Variants in ISCA1 observed in about 807,000 individuals in gnomAD.
ISCA1 encodes the protein iron-sulfur cluster assembly 1 homolog, mitochondrial.
In ISCA1, 9 loss-of-function variants were observed where a neutral mutation model predicts 14.7. That is an observed-to-expected ratio of 0.61 (90% CI 0.37 to 1.07). The LOEUF is 1.07. ISCA1 is among the 50% of genes least tolerant of loss of function. The pLI, the probability that ISCA1 is intolerant of heterozygous loss-of-function variation, is 0.01. For synonymous variants in ISCA1, 38 were observed against 54.3 expected, an observed-to-expected ratio of 0.70 and a Z score of 1.32; for missense variants, 102 against 150.1, an observed-to-expected ratio of 0.68 and a Z score of 1.67.
In ISCA1 at chr9:86,282,366, G is replaced by A. The variant is rs1825532337; in HGVS notation, c.81+12C>T. The A allele has an allele frequency of 1.9e-6, 3 of 1,540,210 alleles. No homozygotes were observed. The highest frequency in any genetic ancestry group is 2.6e-6 in the Non-Finnish European group (3 of 1,139,854). ...AATGTCACGGGCCCCGCCGCGCGCC[G>A]CGAGCACTCACCAGGGTGAGGGCTG... On this transcript the variant is annotated intron_variant, in intron 1 of 3. Transcript: ENST00000375991.
chr9:86,270,023 T>C (rs7019244), intron 3 of ISCA1, among the ~76,000 whole-genome samples: 66,726 of 150,626 alleles, frequency 0.44, 14,928 homozygotes, highest in Middle Eastern at 0.59. Context: ...ATTCAGGACA[T>C]AGGCATGGGA....
chr9:86,273,304 C>A (rs551510147), intron 2 of ISCA1, among the ~76,000 whole-genome samples: 8 of 152,200 alleles, frequency 5.3e-5, no homozygotes, highest in Non-Finnish European at 1.0e-4. Flanking sequence ...TAAGATGATA[C>A]ACACATCCCT....
chr9:86,274,336 G>T, intron 1 of ISCA1, 94 bp from the exon 2 acceptor site: 1 of 802,162 alleles, frequency 1.2e-6, no homozygotes, highest in Non-Finnish European at 2.1e-6. Flanking sequence ...GCAAATTCAT[G>T]TGACAAATTT....
In ISCA1 at chr9:86,274,189, A is replaced by C. The variant is rs1383987957; in HGVS notation, c.135T>G (p.His45Gln). Residue 45 changes from histidine to glutamine, a missense_variant and splice_region_variant, in exon 2 of 4, where the codon CAT becomes CAG. Transcript: ENST00000375991. ...IKQLLKDKPEHVGVKVGVRTR... is the reference protein window; with the variant it reads ...IKQLLKDKPEQVGVKVGVRTR... Reference sequence around the variant, plus strand: ...TGAATAATTAACTGGTTTTACTTACATGCTCAGGCTTATCTTTAAGAAGTT... The same window carrying C: ...TGAATAATTAACTGGTTTTACTTACCTGCTCAGGCTTATCTTTAAGAAGTT... 3.9e-6 allele frequency: 6 copies of C among 1,548,708 alleles called. No individual in the cohort carries two copies. The Admixed American group carries it at 1.0e-4, about 26-fold the overall frequency.
chr9:86,276,233 T>C (rs1307586598), intron 1 of ISCA1, among the ~76,000 whole-genome samples: 1 of 151,912 alleles, frequency 6.6e-6, no homozygotes, highest in Non-Finnish European at 1.5e-5. Context: ...ACACCTGCAG[T>C]TCAGACTAGG....
chr9:86,282,213 G>A lies in ISCA1; in HGVS notation c.81+165C>T, dbSNP rs887733683. ...GGACTTGTTTATCGTTGCAAAGAGG[G>A]GCCGGAGGCGAAGGAGGCGGCGAGG... On this transcript the variant is annotated intron_variant, in intron 1 of 3. Coordinates refer to ENST00000375991, the MANE Select transcript of ISCA1 (RefSeq NM_030940.4). 11 of 697,476 alleles carry A rather than the reference G, an allele frequency of 1.6e-5. No individual in the cohort carries two copies. In the African/African-American group the frequency reaches 1.7e-4, roughly 11 times the overall value. 43.2% of individuals were successfully genotyped at this position (697,476 alleles called of 1,614,324 possible).
intron 1 of ISCA1, 35 bp downstream of exon 1, chr9:86,282,343 T>C: frequency 1.3e-6 from 2 of 1,532,958 alleles, no homozygotes; most frequent in Non-Finnish European, 1.8e-6. Context: ...ACACGAGCAA[T>C]GTCACGGGCC....
Position 86,271,987 on chromosome 9 carries a change from A to C in ISCA1, c.241+20T>G, listed in dbSNP as rs761959809. ...TTTAGGCAAAACAATGTGCCCAAAA[A>C]ATGTTTGTTAAAAACTCACCATCTT... On this transcript the variant is annotated intron_variant, in intron 3 of 3. Coordinates refer to ENST00000375991, the MANE Select transcript of ISCA1 (RefSeq NM_030940.4). 7.0e-7 allele frequency: 1 copy of C among 1,434,460 alleles called. No homozygotes were observed. The highest frequency in any genetic ancestry group is 1.4e-5 in the African/African-American group (1 of 71,016). The allele number at this position is 1,434,460 out of a possible 1,614,324, so 88.9% of individuals were successfully genotyped here.
intron 3 of ISCA1, among the ~76,000 whole-genome samples, chr9:86,271,578 G>C (rs1825369232): frequency 6.6e-6 from 1 of 152,134 alleles, no homozygotes; most frequent in Non-Finnish European, 1.5e-5. Flanking sequence ...GTACTTATTT[G>C]ACACAGATAT....
chr9:86,275,412 G>T (rs1340994882), intron 1 of ISCA1, among the ~76,000 whole-genome samples: 1 of 152,130 alleles, frequency 6.6e-6, no homozygotes, highest in East Asian at 1.9e-4. Flanking sequence ...CTGAGGCCAG[G>T]ACTGACACCT....
intron 1 of ISCA1, among the ~76,000 whole-genome samples, chr9:86,280,171 C>T (rs969659578): frequency 1.3e-5 from 2 of 152,216 alleles, no homozygotes; most frequent in Admixed American, 6.5e-5. Flanking sequence ...AAGGCTTGGC[C>T]TGCGACTGTG....
At chr9:86,274,292 CT>C (rs1564009779) in intron 1 of ISCA1, 50 bp from the exon 2 acceptor site, 1 of 1,232,794 alleles carries the variant, frequency 8.1e-7, no homozygotes, top group Admixed American at 1.8e-5. Flanking sequence ...TATTCAAAGC[CT>C]CATATTTATC....
intron 1 of ISCA1, among the ~76,000 whole-genome samples, chr9:86,274,845 A>G (rs1431028773): frequency 1.3e-5 from 2 of 152,204 alleles, no homozygotes; most frequent in Non-Finnish European, 2.9e-5. Context: ...ATCTCAGGAG[A>G]TCTAGATGAA....
At chr9:86,268,204 T>C (rs1825313875) in intron 3 of ISCA1, among the ~76,000 whole-genome samples, 1 of 152,034 alleles carries the variant, frequency 6.6e-6, no homozygotes, top group Non-Finnish European at 1.5e-5. Context: ...GACAACTCCA[T>C]GAGTGTTACT....
chr9:86,266,267 T>C, intron 3 of ISCA1, 76 bp from the exon 4 acceptor site: 7 of 1,514,296 alleles, frequency 4.6e-6, no homozygotes, highest in African/African-American at 1.4e-5. Flanking sequence ...ACAAGTGAAC[T>C]TGAAATAGTG....
At chr9:86,272,754 G>GCA (rs1287111097) in intron 2 of ISCA1, among the ~76,000 whole-genome samples, 1 of 152,094 alleles carries the variant, frequency 6.6e-6, no homozygotes, top group Non-Finnish European at 1.5e-5. Context: ...TATGCAAATG[G>GCA]CACTGCATTT....
At chr9:86,280,596 A>AG (rs1825498673) in intron 1 of ISCA1, among the ~76,000 whole-genome samples, 1 of 132,992 alleles carries the variant, frequency 7.5e-6, no homozygotes, top group African/African-American at 3.2e-5. Flanking sequence ...CCCTGTCTCA[A>AG]AAAAAAAAAA....
chr9:86,277,896 AG>A (rs1451166894), intron 1 of ISCA1, among the ~76,000 whole-genome samples: 1 of 152,170 alleles, frequency 6.6e-6, no homozygotes, highest in African/African-American at 2.4e-5. Flanking sequence ...TATATTTCCA[AG>A]ATGTTTCCGC....
In ISCA1 at chr9:86,264,626, G is replaced by A. The variant is rs1032547271; in HGVS notation, c.*1417C>T. 6.6e-6 allele frequency: 1 copy of A among 152,452 alleles called. No individual in the cohort carries two copies. Among genetic ancestry groups the A allele is most frequent in the Non-Finnish European group, 1.5e-5 (1 of 68,020 alleles). 9.4% of individuals were successfully genotyped at this position (152,452 alleles called of 1,614,324 possible). On this transcript the variant is annotated 3_prime_UTR_variant, in exon 4 of 4. Transcript: ENST00000375991. ...ACATACAGTGTTGCACGAATTATAAGTGGATCAACAATTATATTATTGATA... is the reference window on the plus strand; with the variant it reads ...ACATACAGTGTTGCACGAATTATAAATGGATCAACAATTATATTATTGATA...
Sources: allele counts gnomAD v4.1 joint callset (sites outside exome capture counted in the v4.1 genomes callset), GRCh38; gene constraint gnomAD v4.1.1; transcripts MANE v1.5; gene names NCBI Gene and HGNC (gene_info 2026-07-23, HGNC 2026-07-21).